Variants in RAET1E observed in about 807,000 individuals in gnomAD.
RAET1E encodes NKG2D ligand 4.
In RAET1E, 27 loss-of-function variants were observed where a neutral mutation model predicts 21.1. The ratio of observed to expected loss-of-function variants is 1.28; its 90% CI spans 0.94 to 1.76. RAET1E has a LOEUF of 1.76. Among genes scored for constraint, RAET1E ranks in the 40% most tolerant of loss-of-function variants. The probability of loss-of-function intolerance (pLI) is 0.00; values close to 1 mark genes in which losing one functional copy is unlikely to be tolerated. For synonymous variants in RAET1E, 113 were observed against 115.0 expected (o/e 0.98, Z 0.11); for missense variants, 310 against 311.3 (o/e 1.00, Z 0.03).
intron 3 of RAET1E, 79 bp downstream of exon 3, chr6:149,890,738 C>A: frequency 1.1e-6 from 1 of 946,082 alleles, no homozygotes; most frequent in East Asian, 2.4e-5. Flanking sequence ...CTGAAGCCTG[C>A]ATGAAGCCCC....
rs1307598457 is a variant in RAET1E, at chr6:149,895,956, G to T, written c.-244C>A. ...TCTTCCTGTTGTATCCTCACACAGTGGAGAGCAGAGACAGACAGCAAGCTC... is the reference window on the plus strand; with the variant it reads ...TCTTCCTGTTGTATCCTCACACAGTTGAGAGCAGAGACAGACAGCAAGCTC... On this transcript the variant is annotated 5_prime_UTR_variant, in exon 2 of 6. Coordinates refer to ENST00000357183, the MANE Select transcript of RAET1E (RefSeq NM_001394057.1). The T allele has an allele frequency of 3.9e-5, 6 of 152,246 alleles. No homozygotes were observed. Among genetic ancestry groups the T allele is most frequent in the Admixed American group, 3.9e-4 (6 of 15,282 alleles). The allele number at this position is 152,246 out of a possible 1,614,324, so 9.4% of individuals were successfully genotyped here. A position where few individuals can be genotyped will look rare whatever the true frequency, so the allele number is the denominator to read the frequency against.
chr6:149,887,071 G>A lies in RAET1E; in HGVS notation c.*1427C>T, dbSNP rs924991645. On this transcript the variant is annotated 3_prime_UTR_variant, in exon 6 of 6. Coordinates refer to ENST00000357183, the MANE Select transcript of RAET1E (RefSeq NM_001394057.1). ...GCTGTGGGCACTGACCTCCACCGGC[G>A]CTTGATCCCTGCCTGCTCCTGCCCA... 3.9e-5 allele frequency among the ~76,000 whole-genome samples: 6 copies of A among 152,104 alleles called. No individual in the cohort carries two copies. The highest frequency in any genetic ancestry group is 7.2e-5 in the African/African-American group (3 of 41,402).
chr6:149,891,484 TTG>T (rs58899076), intron 2 of RAET1E, among the ~76,000 whole-genome samples: 34 of 149,808 alleles, frequency 2.3e-4, no homozygotes, highest in African/African-American at 6.5e-4. Flanking sequence ...CAGATGGGTT[TTG>T]TGTGTGTGTG....
At chr6:149,895,004 C>T (rs957470260) in intron 2 of RAET1E, among the ~76,000 whole-genome samples, 1 of 152,184 alleles carries the variant, frequency 6.6e-6, no homozygotes. Flanking sequence ...TTCCTTCTAA[C>T]CATCAGGCCC....
intron 2 of RAET1E, among the ~76,000 whole-genome samples, chr6:149,894,675 T>A (rs1293716330): frequency 6.6e-6 from 1 of 152,174 alleles, no homozygotes; most frequent in East Asian, 1.9e-4. Context: ...GCAATTCGAC[T>A]AACCTTTTTT....
rs1286770202 is a variant in RAET1E at position 149,886,479 on chromosome 6, C to T, written c.*2019G>A. 6.6e-6 allele frequency among the ~76,000 whole-genome samples: 1 copy of T among 152,228 alleles called. No individual in the cohort carries two copies. The highest frequency in any genetic ancestry group is 2.4e-5 in the African/African-American group (1 of 41,466). On this transcript the variant is annotated 3_prime_UTR_variant, in exon 6 of 6. Transcript: ENST00000357183. Reference sequence around the variant, plus strand: ...GCGCAATATCAGCTCACTGCAAACTCCGCCTCCTGAGTTCAAGCGATTCTC... The same window carrying T: ...GCGCAATATCAGCTCACTGCAAACTTCGCCTCCTGAGTTCAAGCGATTCTC...
rs1777869865 is a variant in RAET1E at position 149,890,996 on chromosome 6, C to T, written c.-95G>A. On this transcript the variant is annotated 5_prime_UTR_variant, in exon 3 of 6. In the 5' UTR this introduces an upstream ATG that the reference lacks. Coordinates refer to ENST00000357183, the MANE Select transcript of RAET1E (RefSeq NM_001394057.1). ...TTATCCAACAGCGTGGGTGTGGGCA[C>T]TGCCCAAATTCTTTACCCTGGAACA... is the stretch of plus-strand genomic sequence containing the variant. 1.1e-6 allele frequency: 1 copy of T among 876,742 alleles called. No individual in the cohort carries two copies. Among genetic ancestry groups the T allele is most frequent in the Non-Finnish European group, 1.9e-6 (1 of 532,290 alleles). The allele number at this position is 876,742 out of a possible 1,614,324, so 54.3% of individuals were successfully genotyped here.
At chr6:149,897,187 C>G (rs1778147606) in intron 1 of RAET1E, among the ~76,000 whole-genome samples, 4 of 152,140 alleles carry the variant, frequency 2.6e-5, no homozygotes, top group African/African-American at 9.7e-5. Flanking sequence ...CATGAGCCAC[C>G]ACACCCAGCT....
intron 2 of RAET1E, among the ~76,000 whole-genome samples, chr6:149,892,256 C>A (rs193015867): frequency 1.3e-5 from 2 of 152,174 alleles, no homozygotes; most frequent in Non-Finnish European, 2.9e-5. Flanking sequence ...TGGTATTTCT[C>A]GTTCTAGATC....
chr6:149,893,275 T>C (rs948788644), intron 2 of RAET1E, among the ~76,000 whole-genome samples: 4 of 152,224 alleles, frequency 2.6e-5, no homozygotes, highest in African/African-American at 9.6e-5. Flanking sequence ...GCATTGAATC[T>C]ATAAATTACT....
In RAET1E at chr6:149,888,659, C is replaced by T; in HGVS notation, c.631G>A (p.Val211Ile). 6.6e-7 allele frequency: 1 copy of T among 1,520,788 alleles called. No individual in the cohort carries two copies. 94.2% of individuals were successfully genotyped at this position (1,520,788 alleles called of 1,614,324 possible). A position where few individuals can be genotyped will look rare whatever the true frequency, so the allele number is the denominator to read the frequency against. Residue 211 changes from valine to isoleucine, a missense_variant, in exon 6 of 6, where the codon GTA (valine) becomes ATA (isoleucine). Coordinates refer to ENST00000357183, the MANE Select transcript of RAET1E (RefSeq NM_001394057.1). ...GACCAGTGGATATCTGAAGCATTTA[C>T]TGGTGACACTAAAAAAAAAAAAAAA... ...EAMPEPTVSPVNASDIHWSSS... is the reference protein window; with the variant it reads ...EAMPEPTVSPINASDIHWSSS...
intron 2 of RAET1E, among the ~76,000 whole-genome samples, chr6:149,892,723 G>A (rs1582776116): frequency 6.6e-6 from 1 of 152,176 alleles, no homozygotes. Context: ...GATCCCATTT[G>A]CCAATTTTGG....
Position 149,883,437 on chromosome 6 carries a change from C to T in RAET1E, c.*5061G>A, listed in dbSNP as rs1427219437. The T allele has an allele frequency of 6.6e-6, 1 of 150,828 alleles. No individual in the cohort carries two copies. The highest frequency in any genetic ancestry group is 2.4e-5 in the African/African-American group (1 of 40,920). The allele number at this position is 150,828 out of a possible 1,614,324, so 9.3% of individuals were successfully genotyped here. A position where few individuals can be genotyped will look rare whatever the true frequency, so the allele number is the denominator to read the frequency against. On this transcript the variant is annotated 3_prime_UTR_variant, in exon 6 of 6. Transcript: ENST00000357183. ...TTGTGTCTGGGCTCAGTGGCTCATGCTATAATCCCAGCACTTTGAGAGGCT... is the reference window on the plus strand; with the variant it reads ...TTGTGTCTGGGCTCAGTGGCTCATGTTATAATCCCAGCACTTTGAGAGGCT...
rs1250255992 is a variant in RAET1E at position 149,889,559 on chromosome 6, G to A, written c.411C>T (p.Ser137=). Residue 137 remains serine, a synonymous_variant, in exon 5 of 6, where the codon TCC becomes TCT. Transcript: ENST00000357183. The part of the protein sequence containing the change: ...QREAERCTGA[S]WQFATNGEKS... Reference sequence around the variant, plus strand: ...TCTCTCCATTGGTGGCGAACTGCCAGGATGCACCAGTGCACCGTTCTGCTT... The same window carrying A: ...TCTCTCCATTGGTGGCGAACTGCCAAGATGCACCAGTGCACCGTTCTGCTT... 5 of 1,614,054 alleles carry A rather than the reference G, an allele frequency of 3.1e-6. No individual in the cohort carries two copies. The highest frequency in any genetic ancestry group is 4.2e-6 in the Non-Finnish European group (5 of 1,180,038).
At chr6:149,895,011 G>GC (rs2114594338) in intron 2 of RAET1E, among the ~76,000 whole-genome samples, 1 of 152,198 alleles carries the variant, frequency 6.6e-6, no homozygotes, top group East Asian at 1.9e-4. Context: ...TAACCATCAG[G>GC]CCCCTCTGCT....
chr6:149,888,666 C>T lies in RAET1E; in HGVS notation c.624G>A (p.Val208=), dbSNP rs774137957. 1 of 1,321,126 alleles carries T rather than the reference C, an allele frequency of 7.6e-7. No individual in the cohort carries two copies. The highest frequency in any genetic ancestry group is 9.8e-7 in the Non-Finnish European group (1 of 1,024,534). The allele number at this position is 1,321,126 out of a possible 1,614,324, so 81.8% of individuals were successfully genotyped here. A position where few individuals can be genotyped will look rare whatever the true frequency, so the allele number is the denominator to read the frequency against. Residue 208 remains valine (V), a splice_region_variant and synonymous_variant, in exon 6 of 6, where the codon GTG becomes GTA. Coordinates refer to ENST00000357183, the MANE Select transcript of RAET1E (RefSeq NM_001394057.1). ...GGATATCTGAAGCATTTACTGGTGA[C>T]ACTAAAAAAAAAAAAAAAAAGAAAA... ...GHWEAMPEPT[V]SPVNASDIHW...
At chr6:149,891,554 T>G (rs939130042) in intron 2 of RAET1E, among the ~76,000 whole-genome samples, 1 of 151,962 alleles carries the variant, frequency 6.6e-6, no homozygotes, top group Non-Finnish European at 1.5e-5. Flanking sequence ...GAGTGTCTAC[T>G]ACATGTATCA....
chr6:149,893,453 C>G (rs773830829), intron 2 of RAET1E, among the ~76,000 whole-genome samples: 2 of 151,974 alleles, frequency 1.3e-5, no homozygotes, highest in Admixed American at 6.6e-5. Context: ...ATTTTATTCT[C>G]TTTGTAGCAA....
rs564689328 is a variant in RAET1E at position 149,886,935 on chromosome 6, G to A, written c.*1563C>T. Among the ~76,000 whole-genome samples, 6 of 152,306 alleles carry A rather than the reference G, an allele frequency of 3.9e-5. No homozygotes were observed. The South Asian group carries it at 1.2e-3, about 32-fold the overall frequency. On this transcript the variant is annotated 3_prime_UTR_variant, in exon 6 of 6. Transcript: ENST00000357183. ...TCTTCCCCGTGACAGAGAAATCCATGCGACACAGTGGGGAGGCCCTCCCCA... is the reference window on the plus strand; with the variant it reads ...TCTTCCCCGTGACAGAGAAATCCATACGACACAGTGGGGAGGCCCTCCCCA...
Sources: allele counts gnomAD v4.1 joint callset (sites outside exome capture counted in the v4.1 genomes callset), GRCh38; gene constraint gnomAD v4.1.1; transcripts MANE v1.5; gene names NCBI Gene and HGNC (gene_info 2026-07-23, HGNC 2026-07-21).